Variants in TCF7 observed in about 807,000 individuals in gnomAD.
The protein encoded by TCF7 is T-cell-factor-7.
A neutral mutation model predicts 46.8 loss-of-function variants in TCF7; 19 were observed. The observed-to-expected ratio is 0.41, with a 90% confidence interval of 0.28 to 0.60. The LOEUF (loss-of-function observed/expected upper bound fraction) is 0.60. TCF7 is among the 20% of genes least tolerant of loss of function. The probability of loss-of-function intolerance (pLI) is 0.35; values close to 1 mark genes in which losing one functional copy is unlikely to be tolerated. For missense variants in TCF7, 547 were observed against 504.6 expected (o/e 1.08, Z -0.81); for synonymous variants, 245 against 213.4 (o/e 1.15, Z -1.29).
At chr5:134,140,126 C>T (rs1216438964) in intron 5 of TCF7, among the ~76,000 whole-genome samples, 1 of 152,172 alleles carries the variant, frequency 6.6e-6, no homozygotes, top group Non-Finnish European at 1.5e-5. Flanking sequence ...GGCTTCCACC[C>T]GGTGGCACTT....
intron 3 of TCF7, 69 bp downstream of exon 3, chr5:134,116,102 G>A (rs769052645): frequency 1.1e-5 from 17 of 1,528,264 alleles, no homozygotes; most frequent in Admixed American, 6.5e-5. Context: ...TGAGGCACCG[G>A]CAAGAGACTT....
chr5:134,146,244 G>T lies in TCF7; in HGVS notation c.1096G>T (p.Gly366Cys). ...CCTAGGAGGAAAAAGAAATGCATTCGGTACTTACCCGGAGAAGGCCGCTGC... is the reference window on the plus strand; with the variant it reads ...CCTAGGAGGAAAAAGAAATGCATTCTGTACTTACCCGGAGAAGGCCGCTGC... ...STTGGKRNAF[G>C]TYPEKAAAPA... The change falls in exon 10 of 10, where the codon GGT becomes TGT. Residue 366 changes from glycine to cysteine, a missense_variant. This residue lies in a region of TCF7 where 90 missense variants were observed against 88.8 expected (regional missense o/e 1.01). Transcript: ENST00000342854. 6.2e-7 allele frequency: 1 copy of T among 1,614,140 alleles called. No homozygotes were observed. The highest frequency in any genetic ancestry group is 8.5e-7 in the Non-Finnish European group (1 of 1,180,022).
rs1020291129 is a variant in TCF7, at chr5:134,115,087, G to A, written c.181G>A (p.Gly61Ser). ...GTCGTCGCTCGTGAACGAGTCCGAGGGCGCGGCCGGCGGCGCAGGGATCCC... is the reference window on the plus strand; with the variant it reads ...GTCGTCGCTCGTGAACGAGTCCGAGAGCGCGGCCGGCGGCGCAGGGATCCC... Reference protein sequence around the residue: ...LKSSLVNESEGAAGGAGIPGV... With the variant: ...LKSSLVNESESAAGGAGIPGV... Residue 61 changes from glycine (G) to serine (S), a missense_variant, in exon 1 of 10, where the codon GGC becomes AGC. Physicochemically the swap from Gly to Ser is moderately conservative, Grantham distance 56. This residue lies in a region of TCF7 where 425 missense variants were observed against 349.9 expected (regional missense o/e 1.21). Coordinates refer to ENST00000342854, the MANE Select transcript of TCF7 (RefSeq NM_003202.5). 3.6e-6 allele frequency: 4 copies of A among 1,100,478 alleles called. No homozygotes were observed. The highest frequency in any genetic ancestry group is 3.4e-6 in the Non-Finnish European group (3 of 890,572). The allele number at this position is 1,100,478 out of a possible 1,614,324, so 68.2% of individuals were successfully genotyped here.
At chr5:134,140,501 G>C (rs1759576100) in intron 5 of TCF7, 2 of 241,874 alleles carry the variant, frequency 8.3e-6, no homozygotes, top group African/African-American at 2.4e-5. Flanking sequence ...GGCTGCAATG[G>C]CCCCAGGACA....
At chr5:134,130,849 A>C (rs779855663) in intron 3 of TCF7, among the ~76,000 whole-genome samples, 3 of 152,156 alleles carry the variant, frequency 2.0e-5, no homozygotes, top group Non-Finnish European at 4.4e-5. Context: ...CACTGGACTC[A>C]ACTTCAAGGG....
At chr5:134,124,331 C>T (rs988172144) in intron 3 of TCF7, among the ~76,000 whole-genome samples, 2 of 152,238 alleles carry the variant, frequency 1.3e-5, no homozygotes, top group African/African-American at 4.8e-5. Context: ...GCTTCTGCTG[C>T]TGCACACAAG....
chr5:134,127,153 A>G (rs561115372), intron 3 of TCF7, among the ~76,000 whole-genome samples: 86 of 152,304 alleles, frequency 5.6e-4, no homozygotes, highest in African/African-American at 2.0e-3. Context: ...TGTCAGGTTC[A>G]TAAGCTGGAC....
At chr5:134,112,050 G>T (rs1376986263), upstream of TCF7, among the ~76,000 whole-genome samples, 1 of 152,144 alleles carries the variant, frequency 6.6e-6, no homozygotes, top group Non-Finnish European at 1.5e-5. Context: ...TGTAGACGAT[G>T]GTGAAGGAAT....
At chr5:134,141,065 A>C (rs1234864689) in intron 5 of TCF7, 1 of 312,248 alleles carries the variant, frequency 3.2e-6, no homozygotes, top group Non-Finnish European at 6.3e-6. Context: ...TGCAAGTGCC[A>C]AGAGGCCTCA....
intron 3 of TCF7, among the ~76,000 whole-genome samples, chr5:134,118,533 G>T (rs934257122): frequency 3.9e-5 from 6 of 152,186 alleles, no homozygotes; most frequent in African/African-American, 1.4e-4. Context: ...AAACAGGCCA[G>T]CTCGAACCTT....
intron 5 of TCF7, chr5:134,141,164 TCA>T: frequency 5.8e-6 from 1 of 171,692 alleles, no homozygotes. Flanking sequence ...GTGTGTGCAC[TCA>T]CCTCTGTTCT....
At chr5:134,140,938 T>A (rs1482229795) in intron 5 of TCF7, 1 of 355,412 alleles carries the variant, frequency 2.8e-6, no homozygotes, top group Non-Finnish European at 5.6e-6. Context: ...TGCCCAGGCT[T>A]CAGAGCCCAC....
rs1218168693 is a variant in TCF7 at position 134,115,959 on chromosome 5, T to G, written c.367T>G (p.Ser123Ala). The change falls in exon 3 of 10, where the codon TCC (serine) becomes GCC (alanine). Residue 123 changes from serine (S) to alanine (A), a missense_variant. Physicochemically the swap from Ser to Ala is moderately conservative, Grantham distance 99. Coordinates refer to ENST00000342854, the MANE Select transcript of TCF7 (RefSeq NM_003202.5). ...CGGCATGTACAAAGAGACCGTCTAC[T>G]CCGCCTTCAATCTGCTCATGCATTA... ...TSGMYKETVY[S>A]AFNLLMHYPP... 1.9e-6 allele frequency: 3 copies of G among 1,614,020 alleles called. No homozygotes were observed. In the South Asian group the frequency reaches 3.3e-5, roughly 18 times the overall value.
intron 3 of TCF7, chr5:134,123,777 C>T: frequency 2.2e-6 from 1 of 456,284 alleles, no homozygotes; most frequent in South Asian, 1.5e-5. Flanking sequence ...GCGGTACCCA[C>T]CCACAGATGG....
At chr5:134,137,192 G>C (rs528036001) in intron 3 of TCF7, among the ~76,000 whole-genome samples, 1 of 152,228 alleles carries the variant, frequency 6.6e-6, no homozygotes, top group Non-Finnish European at 1.5e-5. Context: ...GGGAGGCCGA[G>C]GCAGGTGGAT....
Position 134,121,646 on chromosome 5 carries a change from C to G in TCF7, c.441+5613C>G, listed in dbSNP as rs1756602176. ...CCATCAGCCTGGGAAGCCGTGGCCA[C>G]CCTGTGCGTGCCCCTCATTCTTGCC... is the stretch of plus-strand genomic sequence containing the variant. On this transcript the variant is annotated intron_variant, in intron 3 of 9. Transcript: ENST00000342854. Among the ~76,000 whole-genome samples, 3 of 152,132 alleles carry G rather than the reference C, an allele frequency of 2.0e-5. No individual in the cohort carries two copies. The South Asian group carries it at 6.2e-4, about 32-fold the overall frequency.
chr5:134,138,050 A>G lies in TCF7; in HGVS notation c.442-9A>G. On this transcript the variant is annotated splice_polypyrimidine_tract_variant and intron_variant, in intron 3 of 9. Transcript: ENST00000342854. Reference sequence around the variant, plus strand: ...GCCACACTCACCCACCCTCCTTCTCATTTTTCAGCACAAGGCCAATCAGCC... The same window carrying G: ...GCCACACTCACCCACCCTCCTTCTCGTTTTTCAGCACAAGGCCAATCAGCC... 6.3e-7 allele frequency: 1 copy of G among 1,584,452 alleles called. No individual in the cohort carries two copies. Among genetic ancestry groups the G allele is most frequent in the Non-Finnish European group, 8.6e-7 (1 of 1,161,666 alleles).
At chr5:134,124,067 G>T (rs1036574520) in intron 3 of TCF7, among the ~76,000 whole-genome samples, 5 of 152,112 alleles carry the variant, frequency 3.3e-5, no homozygotes, top group African/African-American at 1.2e-4. Context: ...TACCCCAGAG[G>T]TCAGTGGCTC....
chr5:134,142,328 AG>A (rs1056570691), intron 6 of TCF7, 24 bp downstream of exon 6: 17 of 1,560,598 alleles, frequency 1.1e-5, no homozygotes, highest in South Asian at 1.2e-5. Context: ...CAATGATGGC[AG>A]GGGGTGTGTC....
Sources: gnomAD v4.1 joint callset for allele counts (sites outside exome capture counted in the v4.1 genomes callset) on GRCh38, gnomAD v4.1.1 for gene constraint, gnomAD v4.1.1 regional missense constraint, MANE v1.5 for transcripts, NCBI Gene and HGNC (gene_info 2026-07-23, HGNC 2026-07-21) for gene names.